FIGN: variants seen among roughly 807,000 people sequenced by gnomAD.
The protein encoded by FIGN is fidgetin.
Under a neutral mutation model 51.3 loss-of-function variants are expected in FIGN, and 11 were observed. That is an observed-to-expected ratio of 0.21 (90% CI 0.13 to 0.35). The LOEUF is 0.35. Among genes scored for constraint, FIGN ranks in the 10% least tolerant of loss-of-function variants. The pLI, the probability that FIGN is intolerant of heterozygous loss-of-function variation, is 1.00. For synonymous variants in FIGN, 407 were observed against 363.2 expected (o/e 1.12, Z -1.37); for missense variants, 857 against 943.6 (o/e 0.91, Z 1.20).
intron 2 of FIGN, among the ~76,000 whole-genome samples, chr2:163,693,006 A>G (rs916409366): frequency 1.1e-4 from 16 of 152,224 alleles, no homozygotes; most frequent in African/African-American, 3.9e-4. Context: ...ACTTCCTTTA[A>G]CCGCAACTTC....
At chr2:163,618,372 C>G (rs543407336) in intron 2 of FIGN, among the ~76,000 whole-genome samples, 12 of 151,926 alleles carry the variant, frequency 7.9e-5, no homozygotes, top group African/African-American at 2.9e-4. Context: ...CATTTTGCAG[C>G]AGCCTTCTCA....
intron 2 of FIGN, among the ~76,000 whole-genome samples, chr2:163,704,356 C>T (rs1322013730): frequency 1.3e-5 from 2 of 151,950 alleles, no homozygotes; most frequent in Non-Finnish European, 2.9e-5. Flanking sequence ...CATAAAGTGG[C>T]AATTCTGTGG....
At chr2:163,676,469 ATATATATATATAT>A (rs1559017805) in intron 2 of FIGN, among the ~76,000 whole-genome samples, 9 of 107,158 alleles carry the variant, frequency 8.4e-5, no homozygotes, top group African/African-American at 2.4e-4. Context: ...ATATATATAT[ATATATATATATAT>A]AACTAGAGTC....
intron 2 of FIGN, among the ~76,000 whole-genome samples, chr2:163,629,784 G>T (rs1683115577): frequency 1.3e-5 from 2 of 151,780 alleles, no homozygotes. Flanking sequence ...ACCAATCCTT[G>T]CTCTAGGCTG....
At chr2:163,620,517 G>A (rs1273859933) in intron 2 of FIGN, among the ~76,000 whole-genome samples, 2 of 152,096 alleles carry the variant, frequency 1.3e-5, no homozygotes, top group Non-Finnish European at 2.9e-5. Flanking sequence ...CAACCTGAGA[G>A]CCCCATGCTA....
intron 2 of FIGN, among the ~76,000 whole-genome samples, chr2:163,681,908 G>C (rs1433988930): frequency 6.6e-6 from 1 of 152,166 alleles, no homozygotes; most frequent in Non-Finnish European, 1.5e-5. Flanking sequence ...ATTCTCACTA[G>C]TCCAGCCAGG....
chr2:163,654,581 A>T (rs1027759826), intron 2 of FIGN, among the ~76,000 whole-genome samples: 1 of 152,130 alleles, frequency 6.6e-6, no homozygotes, highest in Non-Finnish European at 1.5e-5. Context: ...CACCAATAAG[A>T]TCAGGATGAA....
intron 2 of FIGN, among the ~76,000 whole-genome samples, chr2:163,638,812 G>C (rs562552484): frequency 6.6e-6 from 1 of 152,042 alleles, no homozygotes. Context: ...ACCCAACCTA[G>C]AGCACATACA....
At chr2:163,656,799 T>G (rs184005449) in intron 2 of FIGN, among the ~76,000 whole-genome samples, 14 of 152,284 alleles carry the variant, frequency 9.2e-5, no homozygotes, top group Admixed American at 3.3e-4. Flanking sequence ...CTTTTTAAAA[T>G]AGCAATACTC....
chr2:163,629,520 G>A (rs557704974), intron 2 of FIGN, among the ~76,000 whole-genome samples: 60 of 152,112 alleles, frequency 3.9e-4, no homozygotes, highest in African/African-American at 1.3e-3. Context: ...AAGATGGAGC[G>A]GGGGATTTTT....
chr2:163,715,819 A>G (rs527739483), intron 2 of FIGN, among the ~76,000 whole-genome samples: 2 of 152,206 alleles, frequency 1.3e-5, no homozygotes, highest in South Asian at 4.1e-4. Context: ...GTATGAATCT[A>G]TATCCACAAC....
intron 2 of FIGN, among the ~76,000 whole-genome samples, chr2:163,654,458 C>G (rs777224899): frequency 2.0e-5 from 3 of 152,014 alleles, no homozygotes; most frequent in Non-Finnish European, 4.4e-5. Context: ...TTTTCAAGAC[C>G]ATCAATGCTG....
At chr2:163,685,441 G>C (rs1043701538) in intron 2 of FIGN, among the ~76,000 whole-genome samples, 26 of 152,130 alleles carry the variant, frequency 1.7e-4, no homozygotes, top group African/African-American at 6.3e-4. Context: ...ACATCTTCTA[G>C]ATAAATACAT....
chr2:163,698,930 T>C (rs12053421), intron 2 of FIGN, among the ~76,000 whole-genome samples: 4,678 of 152,162 alleles, frequency 0.031, 289 homozygotes, highest in East Asian at 0.29. Flanking sequence ...AGAAACAAAA[T>C]ACATGGAAAA....
intron 2 of FIGN, among the ~76,000 whole-genome samples, chr2:163,719,447 G>A (rs1185046085): frequency 2.0e-5 from 3 of 152,114 alleles, no homozygotes; most frequent in Non-Finnish European, 4.4e-5. Flanking sequence ...CAGCCCCACA[G>A]CCCAACCAAC....
intron 2 of FIGN, among the ~76,000 whole-genome samples, chr2:163,718,839 G>GCA (rs200382764): frequency 1.6e-5 from 1 of 64,316 alleles, no homozygotes. Context: ...GACAGAGAGA[G>GCA]TGAGAGAGAG....
At chr2:163,640,356 G>A (rs986897463) in intron 2 of FIGN, among the ~76,000 whole-genome samples, 49 of 151,894 alleles carry the variant, frequency 3.2e-4, no homozygotes, top group African/African-American at 1.2e-3. Context: ...AACCCTCCTT[G>A]GTTATTTATA....
intron 2 of FIGN, among the ~76,000 whole-genome samples, chr2:163,704,059 T>C (rs1327431978): frequency 6.6e-6 from 1 of 152,112 alleles, no homozygotes; most frequent in African/African-American, 2.4e-5. Flanking sequence ...CTGTGTTCCA[T>C]TCCAGCTGGC....
chr2:163,716,238 T>G (rs527703544), intron 2 of FIGN, among the ~76,000 whole-genome samples: 2 of 152,342 alleles, frequency 1.3e-5, no homozygotes, highest in African/African-American at 4.8e-5. Flanking sequence ...CTATGGATGC[T>G]TCTGAATCTT....
Sources: gnomAD v4.1 joint callset for allele counts (sites outside exome capture counted in the v4.1 genomes callset) on GRCh38, gnomAD v4.1.1 for gene constraint, MANE v1.5 for transcripts, NCBI Gene and HGNC (gene_info 2026-07-23, HGNC 2026-07-21) for gene names.